GORAB: variants seen among roughly 807,000 people sequenced by gnomAD.
GORAB encodes RAB6-interacting golgin.
GORAB carries 17 observed loss-of-function variants against 29.9 expected under a neutral mutation model. The observed-to-expected ratio is 0.57, with a 90% CI of 0.39 to 0.85. GORAB has a LOEUF of 0.85. Ranked by LOEUF, GORAB falls within the 40% of genes least tolerant of loss-of-function variation. The pLI is 0.00. For missense variants in GORAB, 442 were observed against 437.8 expected (o/e 1.01, Z -0.09); for synonymous variants, 183 against 157.2 (o/e 1.16, Z -1.23).
chr1:170,546,378 A>G (rs900395065), intron 4 of GORAB, among the ~76,000 whole-genome samples: 23 of 151,884 alleles, frequency 1.5e-4, no homozygotes, highest in African/African-American at 5.6e-4. Context: ...CAACAGAGCG[A>G]GACTCCGTCT....
Position 170,552,051 on chromosome 1 carries a change from A to T in GORAB, c.699A>T (p.Ala233=), listed in dbSNP as rs1650147431. Residue 233 remains alanine (A), a synonymous_variant, in exon 5 of 5, where the codon GCA becomes GCT. Coordinates refer to ENST00000367763, the MANE Select transcript of GORAB (RefSeq NM_152281.3). ...ACAGGGCTGAAGCAGAGTACATTGC[A>T]GCAAAGCTAGATATACAGCGCAAGA... ...RFDRAEAEYI[A]AKLDIQRKTE... The T allele has an allele frequency of 7.4e-6, 12 of 1,614,086 alleles. No homozygotes were observed. Among genetic ancestry groups the T allele is most frequent in the Non-Finnish European group, 7.6e-6 (9 of 1,179,948 alleles).
At chr1:170,547,549 T>G (rs886880984) in intron 4 of GORAB, among the ~76,000 whole-genome samples, 3 of 152,262 alleles carry the variant, frequency 2.0e-5, no homozygotes, top group African/African-American at 7.2e-5. Flanking sequence ...GTAGAACATT[T>G]TTTTAAATCA....
chr1:170,544,655 C>T (rs752132099), intron 3 of GORAB, 50 bp from the exon 4 acceptor site: 3 of 1,526,096 alleles, frequency 2.0e-6, no homozygotes, highest in Non-Finnish European at 2.7e-6. Flanking sequence ...TATATGGACA[C>T]ATGGTTTTAA....
intron 4 of GORAB, among the ~76,000 whole-genome samples, chr1:170,549,089 G>A (rs1649927801): frequency 6.6e-6 from 1 of 151,982 alleles, no homozygotes; most frequent in Non-Finnish European, 1.5e-5. Context: ...ACATTTCAGG[G>A]GATACCAAAA....
chr1:170,553,761 A>G lies in GORAB; in HGVS notation c.*1299A>G, dbSNP rs1004675047. 2.2e-6 allele frequency: 1 copy of G among 453,158 alleles called. No individual in the cohort carries two copies. The highest frequency in any genetic ancestry group is 2.0e-5 in the African/African-American group (1 of 50,082). 28.1% of individuals were successfully genotyped at this position (453,158 alleles called of 1,614,324 possible). On this transcript the variant is annotated 3_prime_UTR_variant, in exon 5 of 5. Transcript: ENST00000367763. ...TCTATAGATAGTTGTGCTTTTATTT[A>G]TGAAATACATAAAAGCCAACAGTTT...
chr1:170,540,921 G>C (rs778224116), intron 2 of GORAB, among the ~76,000 whole-genome samples: 6 of 152,144 alleles, frequency 3.9e-5, no homozygotes, highest in Non-Finnish European at 7.3e-5. Context: ...TGAGGAAGGA[G>C]GACAGGCGTG....
intron 1 of GORAB, 50 bp from the exon 2 acceptor site, chr1:170,539,160 A>AT: frequency 3.1e-6 from 5 of 1,607,034 alleles, no homozygotes; most frequent in Non-Finnish European, 4.3e-6. Flanking sequence ...AGGAATTATA[A>AT]TTATTTGCTG....
chr1:170,544,520 A>G (rs546229609), intron 3 of GORAB, 185 bp from the exon 4 acceptor site: 1 of 505,046 alleles, frequency 2.0e-6, no homozygotes, highest in South Asian at 3.1e-5. Flanking sequence ...ACATGCAAAT[A>G]TAAAATTTCA....
intron 2 of GORAB, 146 bp from the exon 3 acceptor site, chr1:170,542,345 T>C: frequency 1.7e-6 from 1 of 589,160 alleles, no homozygotes; most frequent in East Asian, 3.0e-5. Flanking sequence ...GATGGGTTTC[T>C]TTTAAGAGGA....
At chr1:170,541,300 G>A (rs533189323) in intron 2 of GORAB, among the ~76,000 whole-genome samples, 6 of 151,522 alleles carry the variant, frequency 4.0e-5, no homozygotes, top group South Asian at 2.1e-4. Flanking sequence ...AGAAAGGATC[G>A]GAAGCAGGGG....
intron 1 of GORAB, among the ~76,000 whole-genome samples, chr1:170,535,831 A>G (rs1230932599): frequency 6.6e-6 from 1 of 152,118 alleles, no homozygotes; most frequent in East Asian, 1.9e-4. Context: ...CTGAGATTAC[A>G]GGCATGAGCC....
In GORAB at chr1:170,539,614, G is replaced by GT. The variant is rs5778667; in HGVS notation, c.419+53dup. 326,507 of 1,588,570 alleles carry GT rather than the reference G, an allele frequency of 0.21. 40,078 individuals carry two copies. Among genetic ancestry groups the GT allele is most frequent in the East Asian group, 0.59 (26,427 of 44,714 alleles). On this transcript the variant is annotated intron_variant, in intron 2 of 4. Coordinates refer to ENST00000367763, the MANE Select transcript of GORAB (RefSeq NM_152281.3). Reference sequence around the variant, plus strand: ...GTCCATGAGACTTTTCATTTAACCCGTTTTTTCCCAATGGGCTTTAAGGAA... The same window carrying GT: ...GTCCATGAGACTTTTCATTTAACCCGTTTTTTTCCCAATGGGCTTTAAGGAA...
Position 170,532,284 on chromosome 1 carries a change from G to A in GORAB, c.61G>A (p.Asp21Asn), listed in dbSNP as rs1648727549. The A allele has an allele frequency of 6.2e-7, 1 of 1,613,980 alleles. No individual in the cohort carries two copies. The change falls in exon 1 of 5, where the codon GAT becomes AAT. Residue 21 changes from aspartate to asparagine, a missense_variant and splice_region_variant. Coordinates refer to ENST00000367763, the MANE Select transcript of GORAB (RefSeq NM_152281.3). ...ACTGAGGAGACTAAAGCAGACTAAA[G>A]GTTACAAGATGGGTTTACAGTGGTT... ...EELRRLKQTKDPFEPQRRLPA... is the reference protein window; with the variant it reads ...EELRRLKQTKNPFEPQRRLPA...
At chr1:170,544,315 A>C (rs954918639) in intron 3 of GORAB, among the ~76,000 whole-genome samples, 1 of 152,194 alleles carries the variant, frequency 6.6e-6, no homozygotes, top group South Asian at 2.1e-4. Flanking sequence ...AATGTCAGGT[A>C]AGTATCAGAC....
intron 3 of GORAB, 54 bp from the exon 4 acceptor site, chr1:170,544,651 G>T: frequency 6.7e-7 from 1 of 1,493,656 alleles, no homozygotes; most frequent in South Asian, 1.1e-5. Context: ...ATTGTATATG[G>T]ACACATGGTT....
At chr1:170,549,100 CAA>C (rs1408913995) in intron 4 of GORAB, among the ~76,000 whole-genome samples, 10 of 152,134 alleles carry the variant, frequency 6.6e-5, no homozygotes. Flanking sequence ...GATACCAAAA[CAA>C]AGAGACAATT....
At chr1:170,543,455 A>G (rs377252040) in intron 3 of GORAB, among the ~76,000 whole-genome samples, 1 of 152,168 alleles carries the variant, frequency 6.6e-6, no homozygotes, top group Non-Finnish European at 1.5e-5. Flanking sequence ...GGTGATGGGT[A>G]TAAGAGTAGT....
At chr1:170,551,427 C>T (rs755745152) in intron 4 of GORAB, among the ~76,000 whole-genome samples, 19 of 152,150 alleles carry the variant, frequency 1.2e-4, no homozygotes, top group African/African-American at 3.6e-4. Context: ...ATTCATCTCC[C>T]GACCACTGTC....
intron 2 of GORAB, 99 bp downstream of exon 2, chr1:170,539,666 C>T: frequency 7.8e-7 from 1 of 1,277,860 alleles, no homozygotes; most frequent in Non-Finnish European, 1.1e-6. Flanking sequence ...TTAACATTTT[C>T]TCTCCTTTAT....
Sources: allele counts gnomAD v4.1 joint callset (sites outside exome capture counted in the v4.1 genomes callset), GRCh38; gene constraint gnomAD v4.1.1; transcripts MANE v1.5; gene names NCBI Gene and HGNC (gene_info 2026-07-23, HGNC 2026-07-21).